The following ZDHHC17 variants were observed in gnomAD, a reference collection of about 807,000 sequenced individuals.
ZDHHC17 encodes the protein zDHHC palmitoyltransferase 17, also known as palmitoyltransferase ZDHHC17.
ZDHHC17 carries 40 observed loss-of-function variants against 90.3 expected under a neutral mutation model. The observed-to-expected ratio is 0.44, with a 90% confidence interval of 0.34 to 0.58. The LOEUF (loss-of-function observed/expected upper bound fraction) is 0.58. Among genes scored for constraint, ZDHHC17 ranks in the 20% least tolerant of loss-of-function variants. The probability of loss-of-function intolerance (pLI) is 0.01; values close to 1 mark genes in which losing one functional copy is unlikely to be tolerated. For synonymous variants in ZDHHC17, 235 were observed against 252.4 expected, an observed-to-expected ratio of 0.93 and a Z score of 0.65; for missense variants, 614 against 780.8, an observed-to-expected ratio of 0.79 and a Z score of 2.55.
At chr12:76,813,028 T>C (rs1953044302) in intron 5 of ZDHHC17, among the ~76,000 whole-genome samples, 1 of 152,144 alleles carries the variant, frequency 6.6e-6, no homozygotes, top group Non-Finnish European at 1.5e-5. Context: ...GAGAAAAGGT[T>C]GAATTTCATT....
intron 1 of ZDHHC17, among the ~76,000 whole-genome samples, chr12:76,765,620 C>T (rs552624087): frequency 6.6e-6 from 1 of 152,304 alleles, no homozygotes; most frequent in South Asian, 2.1e-4. Context: ...TCAGATGTTG[C>T]CTTGAAAATG....
intron 1 of ZDHHC17, among the ~76,000 whole-genome samples, chr12:76,770,989 C>G (rs1479769204): frequency 6.6e-6 from 1 of 150,978 alleles, no homozygotes; most frequent in Non-Finnish European, 1.5e-5. Context: ...TTACATAATC[C>G]GAAAAGATGT....
At chr12:76,764,534 C>G (rs1387735542) in intron 1 of ZDHHC17, 3 of 587,980 alleles carry the variant, frequency 5.1e-6, no homozygotes, top group Non-Finnish European at 9.1e-6. Context: ...GGGGCGGGCT[C>G]TGGGACGCAG....
In ZDHHC17 at chr12:76,851,046, T is replaced by C; in HGVS notation, c.*61T>C. On this transcript the variant is annotated 3_prime_UTR_variant, in exon 17 of 17. Coordinates refer to ENST00000426126, the MANE Select transcript of ZDHHC17 (RefSeq NM_015336.4). ...TGCCTGAAAATTGTGTCTGTCCGTGTCTTTCTCACACTCGAATCCACATCC... is the reference window on the plus strand; with the variant it reads ...TGCCTGAAAATTGTGTCTGTCCGTGCCTTTCTCACACTCGAATCCACATCC... 1 of 1,603,306 alleles carries C rather than the reference T, an allele frequency of 6.2e-7. No homozygotes were observed. The highest frequency in any genetic ancestry group is 8.5e-7 in the Non-Finnish European group (1 of 1,173,716).
intron 16 of ZDHHC17, 141 bp downstream of exon 16, chr12:76,849,611 TAAC>T (rs1395004714): frequency 3.6e-6 from 2 of 553,162 alleles, no homozygotes; most frequent in South Asian, 2.7e-5. Flanking sequence ...TTCACCATAA[TAAC>T]AACAAAACAG....
chr12:76,847,332 G>A (rs183608038), intron 14 of ZDHHC17, among the ~76,000 whole-genome samples: 1 of 152,286 alleles, frequency 6.6e-6, no homozygotes, highest in East Asian at 1.9e-4. Context: ...TACAAGTCTT[G>A]GAAGGATGAT....
intron 5 of ZDHHC17, among the ~76,000 whole-genome samples, chr12:76,810,472 ATAAG>A (rs1394821379): frequency 2.6e-5 from 4 of 152,224 alleles, no homozygotes; most frequent in Admixed American, 1.3e-4. Flanking sequence ...CATTAATTTT[ATAAG>A]TAAGGATCTC....
chr12:76,772,535 G>GTTTT (rs34950061), intron 1 of ZDHHC17, among the ~76,000 whole-genome samples: 1 of 98,594 alleles, frequency 1.0e-5, no homozygotes, highest in Non-Finnish European at 2.1e-5. Flanking sequence ...CTTAACACTT[G>GTTTT]TTTTTTTTTT....
chr12:76,799,079 G>A (rs568381525), intron 2 of ZDHHC17, among the ~76,000 whole-genome samples: 1 of 152,260 alleles, frequency 6.6e-6, no homozygotes, highest in South Asian at 2.1e-4. Context: ...CGAGGCTGCA[G>A]TGAGATATAG....
intron 10 of ZDHHC17, among the ~76,000 whole-genome samples, chr12:76,841,532 T>G (rs1306511464): frequency 6.6e-6 from 1 of 152,186 alleles, no homozygotes; most frequent in Non-Finnish European, 1.5e-5. Context: ...TTATATTTTT[T>G]CTGAAATCAA....
chr12:76,787,667 A>G (rs935466795), intron 1 of ZDHHC17, among the ~76,000 whole-genome samples: 1 of 151,706 alleles, frequency 6.6e-6, no homozygotes, highest in Non-Finnish European at 1.5e-5. Flanking sequence ...GTGCGCGCGC[A>G]GGAGAGTTGA....
chr12:76,838,933 A>G (rs118144599), intron 10 of ZDHHC17, among the ~76,000 whole-genome samples: 1,683 of 152,284 alleles, frequency 0.011, 11 homozygotes, highest in Non-Finnish European at 0.017. Context: ...TTGTTTTCTC[A>G]CAGTTCTGGA....
chr12:76,774,968 A>G (rs1005151958), intron 1 of ZDHHC17, among the ~76,000 whole-genome samples: 1 of 152,140 alleles, frequency 6.6e-6, no homozygotes, highest in Non-Finnish European at 1.5e-5. Context: ...TGGGACTGCA[A>G]GTGCACACCA....
intron 10 of ZDHHC17, among the ~76,000 whole-genome samples, chr12:76,830,368 G>C (rs939074386): frequency 6.6e-6 from 1 of 152,144 alleles, no homozygotes; most frequent in Non-Finnish European, 1.5e-5. Flanking sequence ...CTAAGGCACA[G>C]AATTGTAACT....
At chr12:76,770,888 C>T (rs996975294) in intron 1 of ZDHHC17, among the ~76,000 whole-genome samples, 16 of 141,330 alleles carry the variant, frequency 1.1e-4, no homozygotes, top group Non-Finnish European at 2.1e-4. Flanking sequence ...GAGCTAAGAT[C>T]GTGCCATCCT....
In ZDHHC17 at chr12:76,845,730, A is replaced by C; in HGVS notation, c.1351A>C (p.Lys451Gln). The C allele has an allele frequency of 6.2e-7, 1 of 1,609,924 alleles. No individual in the cohort carries two copies. The highest frequency in any genetic ancestry group is 8.5e-7 in the Non-Finnish European group (1 of 1,177,378). ...ACAGATACGAAAACCGGTGAGGTCC[A>C]AACATTGTGGTGTGTGCAACCGCTG... ...TCLIRKPVRS[K>Q]HCGVCNRCIA... Residue 451 changes from lysine to glutamine, a missense_variant, in exon 13 of 17, where the codon AAA becomes CAA. Physicochemically the swap from Lys to Gln is moderately conservative, Grantham distance 53. Around this residue, in one of 5 missense-constraint regions of ZDHHC17, gnomAD observed 117 missense variants for 183.6 expected, o/e 0.64. Transcript: ENST00000426126.
At chr12:76,821,433 T>C (rs547149782) in intron 7 of ZDHHC17, among the ~76,000 whole-genome samples, 1 of 152,234 alleles carries the variant, frequency 6.6e-6, no homozygotes, top group Admixed American at 6.5e-5. Context: ...AAACTATACT[T>C]AATAAGTAAT....
At chr12:76,811,391 G>GT (rs147258434) in intron 5 of ZDHHC17, among the ~76,000 whole-genome samples, 21,436 of 152,054 alleles carry the variant, frequency 0.14, 1,932 homozygotes, top group Non-Finnish European at 0.2. Context: ...TTTACTTTCA[G>GT]TTTTTAACTG....
At position 76,785,256 on chromosome 12, in the gene ZDHHC17, G is replaced by A. The variant is rs190501635; in HGVS notation, c.94-12178G>A. Among the ~76,000 whole-genome samples the A allele has an allele frequency of 2.0e-5, 3 of 152,166 alleles. No homozygotes were observed. The East Asian group carries it at 5.8e-4, about 29-fold the overall frequency. ...AATTGCCAGGACCTTCAGTTTTTTA[G>A]GGTTGGACTAGATGATATCATCATT... is the stretch of plus-strand genomic sequence containing the variant. On this transcript the variant is annotated intron_variant, in intron 1 of 16. Transcript: ENST00000426126.
Sources: gnomAD v4.1 joint callset for allele counts (sites outside exome capture counted in the v4.1 genomes callset) on GRCh38, gnomAD v4.1.1 for gene constraint, gnomAD v4.1.1 regional missense constraint, MANE v1.5 for transcripts, NCBI Gene and HGNC (gene_info 2026-07-23, HGNC 2026-07-21) for gene names.